Variants in PARM1 observed in about 807,000 individuals in gnomAD.
PARM1 encodes WSC4, cell wall integrity and stress response component 4 homolog.
A neutral mutation model predicts 24.6 loss-of-function variants in PARM1; 14 were observed. The observed-to-expected ratio is 0.57, with a 90% CI of 0.38 to 0.89. The LOEUF (loss-of-function observed/expected upper bound fraction) is 0.89. PARM1 is among the 40% of genes least tolerant of loss of function. PARM1 has a pLI of 0.00. For missense variants in PARM1, 362 were observed against 380.4 expected (o/e 0.95, Z 0.40); for synonymous variants, 179 against 156.6 (o/e 1.14, Z -1.07).
chr4:75,046,014 G>A (rs1723593858), intron 3 of PARM1, 149 bp from the exon 4 acceptor site: 3 of 577,824 alleles, frequency 5.2e-6, no homozygotes, highest in South Asian at 2.2e-5. Context: ...GGGCCTCCAC[G>A]GTGGGTGGGT....
chr4:75,010,527 T>C (rs1722850799), intron 1 of PARM1, among the ~76,000 whole-genome samples: 1 of 152,140 alleles, frequency 6.6e-6, no homozygotes, highest in African/African-American at 2.4e-5. Context: ...TTTACCACAA[T>C]AAAAAATTAA....
At chr4:74,977,441 C>G (rs979710840) in intron 1 of PARM1, among the ~76,000 whole-genome samples, 6 of 152,106 alleles carry the variant, frequency 3.9e-5, no homozygotes, top group Non-Finnish European at 7.4e-5. Flanking sequence ...AACAAAACCT[C>G]TGATAACTAT....
rs1721105014 is a variant in PARM1 at position 74,933,294 on chromosome 4, C to A, written c.-34C>A. ...TGTCAGTCCGCAAACTCCTTGCCGC[C>A]CGCCCCGGGCTGGGCACCAAATACC... On this transcript the variant is annotated 5_prime_UTR_variant, in exon 1 of 4. Coordinates refer to ENST00000307428, the MANE Select transcript of PARM1 (RefSeq NM_015393.4). 6.2e-7 allele frequency: 1 copy of A among 1,603,286 alleles called. No individual in the cohort carries two copies.
intron 1 of PARM1, among the ~76,000 whole-genome samples, chr4:74,972,288 A>C (rs1482010021): frequency 1.3e-5 from 2 of 152,098 alleles, no homozygotes; most frequent in Non-Finnish European, 2.9e-5. Flanking sequence ...TAAACATTGG[A>C]TTTGTTTTGT....
chr4:74,952,543 G>GTT lies in PARM1; in HGVS notation c.43+19177_43+19178dup, dbSNP rs576271067. 2.3e-3 allele frequency among the ~76,000 whole-genome samples: 351 copies of GTT among 152,220 alleles called. 2 individuals are homozygous for GTT. Among genetic ancestry groups the GTT allele is most frequent in the African/African-American group, 7.8e-3 (323 of 41,536 alleles). ...CTATGTCCTGAATGGTATTGCCTAGGTTTTTATAGTTTTAGGTCTTACGTT... is the reference window on the plus strand; with the variant it reads ...CTATGTCCTGAATGGTATTGCCTAGGTTTTTTTATAGTTTTAGGTCTTACGTT... On this transcript the variant is annotated intron_variant, in intron 1 of 3. Transcript: ENST00000307428.
At chr4:75,004,794 G>A (rs1042209465) in intron 1 of PARM1, among the ~76,000 whole-genome samples, 4 of 152,164 alleles carry the variant, frequency 2.6e-5, no homozygotes, top group African/African-American at 9.7e-5. Context: ...GAAGCAAACT[G>A]GTTACCAACT....
intron 1 of PARM1, among the ~76,000 whole-genome samples, chr4:74,978,726 C>T (rs1722186936): frequency 6.6e-6 from 1 of 152,164 alleles, no homozygotes; most frequent in South Asian, 2.1e-4. Flanking sequence ...AAACACTTCT[C>T]AGCAAATGCA....
At chr4:75,046,092 C>A in intron 3 of PARM1, 71 bp from the exon 4 acceptor site, 2 of 935,628 alleles carry the variant, frequency 2.1e-6, no homozygotes, top group Non-Finnish European at 3.5e-6. Context: ...CAGTTCAGTG[C>A]AGGGCATTAC....
At chr4:74,936,431 T>G (rs1454913918) in intron 1 of PARM1, among the ~76,000 whole-genome samples, 2 of 107,136 alleles carry the variant, frequency 1.9e-5, no homozygotes, top group African/African-American at 3.8e-5. Flanking sequence ...GGTTGTTACA[T>G]TCAAGTGTTT....
intron 1 of PARM1, among the ~76,000 whole-genome samples, chr4:74,938,918 A>G (rs1721246744): frequency 1.3e-5 from 2 of 152,184 alleles, no homozygotes; most frequent in South Asian, 4.1e-4. Flanking sequence ...GTATAATGTC[A>G]ATTGAAAATA....
At chr4:75,031,076 GC>G in intron 2 of PARM1, among the ~76,000 whole-genome samples, 1 of 152,100 alleles carries the variant, frequency 6.6e-6, no homozygotes, top group East Asian at 1.9e-4. Flanking sequence ...ACTTCCCAGG[GC>G]TGATGGTTAC....
intron 1 of PARM1, among the ~76,000 whole-genome samples, chr4:74,945,151 T>G (rs921403365): frequency 6.6e-6 from 1 of 152,208 alleles, no homozygotes; most frequent in African/African-American, 2.4e-5. Flanking sequence ...CACAGTATGT[T>G]GGAAAGGCAA....
chr4:74,939,339 A>G (rs935249196), intron 1 of PARM1, among the ~76,000 whole-genome samples: 1 of 152,168 alleles, frequency 6.6e-6, no homozygotes, highest in Non-Finnish European at 1.5e-5. Flanking sequence ...TGCCAATGAG[A>G]TATTTTGATT....
intron 2 of PARM1, among the ~76,000 whole-genome samples, chr4:75,016,259 C>A (rs1388018202): frequency 6.6e-6 from 1 of 152,106 alleles, no homozygotes; most frequent in East Asian, 1.9e-4. Flanking sequence ...GGCAAGGAAC[C>A]AAGAGCACGA....
At chr4:74,968,494 A>T (rs977923417) in intron 1 of PARM1, among the ~76,000 whole-genome samples, 2 of 152,158 alleles carry the variant, frequency 1.3e-5, no homozygotes, top group South Asian at 2.1e-4. Flanking sequence ...GAGATTTAAA[A>T]TTTTTACATG....
intron 1 of PARM1, among the ~76,000 whole-genome samples, chr4:74,980,479 A>G (rs1722227684): frequency 1.3e-5 from 2 of 152,216 alleles, no homozygotes; most frequent in Admixed American, 1.3e-4. Flanking sequence ...AAACAAATGG[A>G]AAAACATTAT....
intron 1 of PARM1, among the ~76,000 whole-genome samples, chr4:74,991,197 T>C (rs1462141922): frequency 6.6e-6 from 1 of 152,128 alleles, no homozygotes; most frequent in African/African-American, 2.4e-5. Flanking sequence ...ATGGGAAATA[T>C]TTCCACCTCT....
chr4:74,936,818 A>G (rs1278559651), intron 1 of PARM1, among the ~76,000 whole-genome samples: 1 of 152,100 alleles, frequency 6.6e-6, no homozygotes, highest in African/African-American at 2.4e-5. Flanking sequence ...GAGATATGTT[A>G]GAACTTTCAA....
intron 2 of PARM1, 92 bp from the exon 3 acceptor site, chr4:75,033,791 A>G: frequency 1.1e-6 from 1 of 897,326 alleles, no homozygotes; most frequent in Non-Finnish European, 1.7e-6. Flanking sequence ...AAAAGATGGG[A>G]TCAGGCAGAA....
Sources: allele counts gnomAD v4.1 joint callset (sites outside exome capture counted in the v4.1 genomes callset), GRCh38; gene constraint gnomAD v4.1.1; transcripts MANE v1.5; gene names NCBI Gene and HGNC (gene_info 2026-07-23, HGNC 2026-07-21).